The following SLC12A2 variants were observed in gnomAD, a reference collection of about 807,000 sequenced individuals.
The protein encoded by SLC12A2 is Na-K-2Cl cotransporter 1.
A neutral mutation model predicts 136.3 loss-of-function variants in SLC12A2; 67 were observed. The ratio of observed to expected loss-of-function variants is 0.49; its 90% CI spans 0.40 to 0.60. The LOEUF is 0.60. Ranked by LOEUF, SLC12A2 falls within the 20% of genes least tolerant of loss-of-function variation. SLC12A2 has a pLI of 0.00. For synonymous variants in SLC12A2, 619 were observed against 562.9 expected (o/e 1.10, Z -1.41); for missense variants, 1,322 against 1,534.7 (o/e 0.86, Z 2.32).
Position 128,112,920 on chromosome 5 carries a change from T to C in SLC12A2, c.863T>C (p.Ile288Thr). Residue 288 changes from isoleucine (I) to threonine (T), a missense_variant, in exon 2 of 27, where the codon ATC (isoleucine) becomes ACC (threonine). By Grantham distance (89) the Ile-to-Thr change is moderately conservative. This residue lies in a region of SLC12A2 where 59 missense variants were observed against 51.5 expected (regional missense o/e 1.15). Transcript: ENST00000262461. ...ESKGVVKFGW[I>T]KGVLVRCMLN... ...AAAGGAGTCGTGAAGTTTGGCTGGA[T>C]CAAGGGTGTATTAGTATGTATATAT... is the stretch of plus-strand genomic sequence containing the variant. 1 of 1,611,660 alleles carries C rather than the reference T, an allele frequency of 6.2e-7. No individual in the cohort carries two copies. Among genetic ancestry groups the C allele is most frequent in the Non-Finnish European group, 8.5e-7 (1 of 1,178,898 alleles).
chr5:128,109,855 A>G, intron 1 of SLC12A2: 2 of 787,532 alleles, frequency 2.5e-6, no homozygotes, highest in Non-Finnish European at 4.7e-6. Flanking sequence ...CCAAATCCCC[A>G]TGTATTTTAA....
chr5:128,138,801 T>C (rs1762265184), intron 8 of SLC12A2, 23 bp from the exon 9 acceptor site: 1 of 1,605,876 alleles, frequency 6.2e-7, no homozygotes. Flanking sequence ...AGATAGACTT[T>C]AAAAAATCTT....
chr5:128,162,461 T>C (rs984192754), intron 17 of SLC12A2, among the ~76,000 whole-genome samples: 2 of 152,122 alleles, frequency 1.3e-5, no homozygotes, highest in African/African-American at 4.8e-5. Context: ...TACCTAAATT[T>C]AAAAGGCAAA....
At chr5:128,088,944 G>C (rs1320477093) in intron 1 of SLC12A2, among the ~76,000 whole-genome samples, 1 of 152,092 alleles carries the variant, frequency 6.6e-6, no homozygotes, top group African/African-American at 2.4e-5. Context: ...CGAGGCGGGT[G>C]GATCACCTGA....
At chr5:128,184,539 T>C in intron 25 of SLC12A2, 38 bp downstream of exon 25, 1 of 1,503,608 alleles carries the variant, frequency 6.7e-7, no homozygotes, top group Non-Finnish European at 9.0e-7. Context: ...ATCTTTTATA[T>C]AATAAAAGAC....
At chr5:128,161,006 T>A (rs1465123698) in intron 16 of SLC12A2, among the ~76,000 whole-genome samples, 1 of 152,166 alleles carries the variant, frequency 6.6e-6, no homozygotes, top group Non-Finnish European at 1.5e-5. Flanking sequence ...ATGAGACAAT[T>A]TCCCCACTAC....
At chr5:128,118,781 G>A (rs564022679) in intron 4 of SLC12A2, among the ~76,000 whole-genome samples, 137 of 152,148 alleles carry the variant, frequency 9.0e-4, no homozygotes, top group African/African-American at 3.2e-3. Context: ...AAGAATACCT[G>A]TGAAGTATTG....
intron 1 of SLC12A2, among the ~76,000 whole-genome samples, chr5:128,087,526 G>A (rs1760146101): frequency 6.6e-6 from 1 of 152,140 alleles, no homozygotes; most frequent in South Asian, 2.1e-4. Context: ...ATGATTGGGT[G>A]GAATGACAGT....
At position 128,097,142 on chromosome 5, in the gene SLC12A2, A is replaced by T. The variant is rs572189662; in HGVS notation, c.756+12432A>T. The stretch of plus-strand genomic sequence containing the variant: ...CCTTTTTGAAAACCAACACTTTAAA[A>T]TTTTATTCAAAGAGTTTCATTGTAC... On this transcript the variant is annotated intron_variant, in intron 1 of 26. Transcript: ENST00000262461. 7.9e-5 allele frequency among the ~76,000 whole-genome samples: 12 copies of T among 152,178 alleles called. No individual in the cohort carries two copies. The South Asian group carries it at 2.3e-3, about 29-fold the overall frequency.
intron 1 of SLC12A2, among the ~76,000 whole-genome samples, chr5:128,091,621 G>C (rs80061646): frequency 6.6e-6 from 1 of 152,106 alleles, no homozygotes; most frequent in Non-Finnish European, 1.5e-5. Flanking sequence ...ATCAGCTGAG[G>C]CCCTCCTTTG....
At chr5:128,170,081 TTAAG>T (rs1292809545) in intron 18 of SLC12A2, 1 of 152,222 alleles carries the variant, frequency 6.6e-6, no homozygotes, top group African/African-American at 2.4e-5. Context: ...CTTGTGCAAT[TTAAG>T]TATGCTTTAT....
chr5:128,099,100 T>C (rs754621590), intron 1 of SLC12A2, among the ~76,000 whole-genome samples: 6 of 152,148 alleles, frequency 3.9e-5, no homozygotes, highest in Non-Finnish European at 8.8e-5. Flanking sequence ...TCCATGCACA[T>C]ACAGTCGTAT....
rs115524524 is a variant in SLC12A2 at position 128,114,655 on chromosome 5, T to C, written c.1022T>C (p.Ile341Thr). 3.7e-6 allele frequency: 6 copies of C among 1,609,630 alleles called. No individual in the cohort carries two copies. The East Asian group carries it at 1.3e-4, about 36-fold the overall frequency. Residue 341 changes from isoleucine to threonine, a missense_variant, in exon 4 of 27, where the codon ATA becomes ACA. By Grantham distance (89) the Ile-to-Thr change is moderately conservative (BLOSUM62 -1). Coordinates refer to ENST00000262461, the MANE Select transcript of SLC12A2 (RefSeq NM_001046.3). ...TTITGLSTSA[I>T]ATNGFVRGGG... ...ATCACAGGATTGTCTACTTCAGCAA[T>C]AGCAACTAATGGATTTGTAAGAGGA...
chr5:128,144,996 T>C (rs1201601924), intron 10 of SLC12A2, among the ~76,000 whole-genome samples: 1 of 152,138 alleles, frequency 6.6e-6, no homozygotes, highest in Non-Finnish European at 1.5e-5. Flanking sequence ...CTAATATCAT[T>C]ATTTACATTG....
Position 128,167,770 on chromosome 5 carries a change from C to T in SLC12A2, c.2626C>T (p.Leu876Phe). ...TGACCCTATATTTTAGGCTGCTGGT[C>T]TTGGTCGTATGAAGCCAAACACACT... is the stretch of plus-strand genomic sequence containing the variant. The part of the protein sequence containing the change: ...GAQYLMQAAG[L>F]GRMKPNTLVL... The change falls in exon 18 of 27, where the codon CTT becomes TTT. Residue 876 changes from leucine to phenylalanine, a missense_variant. Physicochemically the swap from Leu to Phe is conservative, Grantham distance 22. Around this residue, in one of 8 missense-constraint regions of SLC12A2, gnomAD observed 226 missense variants for 210.4 expected, o/e 1.07. Coordinates refer to ENST00000262461, the MANE Select transcript of SLC12A2 (RefSeq NM_001046.3). The T allele has an allele frequency of 6.2e-7, 1 of 1,603,834 alleles. No individual in the cohort carries two copies. The highest frequency in any genetic ancestry group is 8.5e-7 in the Non-Finnish European group (1 of 1,175,922).
intron 20 of SLC12A2, among the ~76,000 whole-genome samples, chr5:128,176,285 G>A (rs1430368324): frequency 6.6e-6 from 1 of 152,002 alleles, no homozygotes; most frequent in Non-Finnish European, 1.5e-5. Flanking sequence ...GTTCAGTAAT[G>A]AAAGTTTACT....
intron 16 of SLC12A2, among the ~76,000 whole-genome samples, chr5:128,159,023 G>GT (rs897920614): frequency 2.7e-5 from 4 of 149,418 alleles, no homozygotes; most frequent in Admixed American, 1.3e-4. Flanking sequence ...TCAGGTAGTT[G>GT]TTTTTTTCAA....
intron 23 of SLC12A2, among the ~76,000 whole-genome samples, chr5:128,182,206 AAC>A (rs1463897162): frequency 2.6e-5 from 4 of 152,130 alleles, no homozygotes; most frequent in African/African-American, 9.7e-5. Context: ...TCAATTTAAA[AAC>A]ATTTTTATTA....
intron 1 of SLC12A2, among the ~76,000 whole-genome samples, chr5:128,085,589 G>A (rs1432698790): frequency 6.6e-6 from 1 of 152,098 alleles, no homozygotes; most frequent in Non-Finnish European, 1.5e-5. Flanking sequence ...TTGAGATTTC[G>A]TTAATGTTTA....
Sources: gnomAD v4.1 joint callset for allele counts (sites outside exome capture counted in the v4.1 genomes callset) on GRCh38, gnomAD v4.1.1 for gene constraint, gnomAD v4.1.1 regional missense constraint, MANE v1.5 for transcripts, NCBI Gene and HGNC (gene_info 2026-07-23, HGNC 2026-07-21) for gene names.